BMPR1B: variants seen among roughly 807,000 people sequenced by gnomAD.
BMPR1B encodes the protein bone morphogenetic protein receptor type-1B.
In BMPR1B, 12 loss-of-function variants were observed where a neutral mutation model predicts 59.1. That is an observed-to-expected ratio of 0.20 (90% CI 0.13 to 0.33). BMPR1B has a LOEUF of 0.33. Among genes scored for constraint, BMPR1B ranks in the 10% least tolerant of loss-of-function variants. The probability of loss-of-function intolerance (pLI) is 1.00; values close to 1 mark genes in which losing one functional copy is unlikely to be tolerated. For synonymous variants in BMPR1B, 237 were observed against 207.3 expected (o/e 1.14, Z -1.23); for missense variants, 550 against 610.9 (o/e 0.90, Z 1.05).
intron 1 of BMPR1B, among the ~76,000 whole-genome samples, chr4:94,802,138 C>T (rs767086379): frequency 3.3e-5 from 5 of 152,234 alleles, no homozygotes; most frequent in Middle Eastern, 3.4e-3. Context: ...TTCTTACCAC[C>T]GTTGTGGTGA....
At chr4:95,084,309 A>G (rs1423126607) in intron 3 of BMPR1B, among the ~76,000 whole-genome samples, 1 of 150,568 alleles carries the variant, frequency 6.6e-6, no homozygotes, top group Non-Finnish European at 1.5e-5. Context: ...TTATAAATTT[A>G]TATTTATACG....
At chr4:94,857,243 A>C (rs1725795407) in intron 1 of BMPR1B, among the ~76,000 whole-genome samples, 2 of 152,332 alleles carry the variant, frequency 1.3e-5, no homozygotes, top group South Asian at 4.1e-4. Context: ...AAATTAACAA[A>C]TATTTAAGAA....
intron 2 of BMPR1B, among the ~76,000 whole-genome samples, chr4:94,902,464 A>C (rs1727870147): frequency 6.6e-6 from 1 of 151,972 alleles, no homozygotes; most frequent in African/African-American, 2.4e-5. Flanking sequence ...CTAGAGAGGA[A>C]GAGAGTGAGA....
intron 2 of BMPR1B, among the ~76,000 whole-genome samples, chr4:94,927,359 A>G (rs1728929715): frequency 6.6e-6 from 1 of 152,172 alleles, no homozygotes; most frequent in South Asian, 2.1e-4. Context: ...AAGCAAAAAT[A>G]AACAATATTC....
At position 94,976,376 on chromosome 4, in the gene BMPR1B, A is replaced by G. The variant is rs1731033779; in HGVS notation, c.-112-19664A>G. Reference sequence around the variant, plus strand: ...GAGGTAATATAGACTCCAAGGCTTGAGTGTCAGAGTTATATGTAAGAAACA... The same window carrying G: ...GAGGTAATATAGACTCCAAGGCTTGGGTGTCAGAGTTATATGTAAGAAACA... On this transcript the variant is annotated intron_variant, in intron 2 of 12. Coordinates refer to ENST00000515059, the MANE Select transcript of BMPR1B (RefSeq NM_001203.3). Among the ~76,000 whole-genome samples, 3 of 152,328 alleles carry G rather than the reference A, an allele frequency of 2.0e-5. No individual in the cohort carries two copies. The South Asian group carries it at 6.2e-4, about 32-fold the overall frequency.
At chr4:94,871,888 T>G (rs1726512169) in intron 1 of BMPR1B, among the ~76,000 whole-genome samples, 1 of 152,232 alleles carries the variant, frequency 6.6e-6, no homozygotes, top group South Asian at 2.1e-4. Context: ...TCTAGAATGC[T>G]CGAAAAATTT....
intron 3 of BMPR1B, among the ~76,000 whole-genome samples, chr4:95,096,253 A>G: frequency 6.6e-6 from 1 of 151,784 alleles, no homozygotes. Context: ...TTCCTACTAC[A>G]AGAGATTCCA....
intron 3 of BMPR1B, among the ~76,000 whole-genome samples, chr4:95,079,814 TCA>T (rs1728984590): frequency 6.6e-6 from 1 of 151,506 alleles, no homozygotes; most frequent in African/African-American, 2.4e-5. Context: ...ACAAAAGCTA[TCA>T]AATAGGCAAA....
intron 1 of BMPR1B, among the ~76,000 whole-genome samples, chr4:94,775,410 C>T (rs980932267): frequency 6.6e-6 from 1 of 152,126 alleles, no homozygotes; most frequent in Non-Finnish European, 1.5e-5. Flanking sequence ...GCAAAATGTT[C>T]GTATTGAAAT....
At chr4:95,098,024 GTCAAC>G (rs745641052) in intron 3 of BMPR1B, among the ~76,000 whole-genome samples, 108 of 152,148 alleles carry the variant, frequency 7.1e-4, no homozygotes, top group Non-Finnish European at 1.3e-3. Flanking sequence ...ATTTATATGA[GTCAAC>G]TAAATGTATC....
intron 2 of BMPR1B, among the ~76,000 whole-genome samples, chr4:94,951,257 C>G (rs1055651359): frequency 2.0e-5 from 3 of 152,106 alleles, no homozygotes; most frequent in African/African-American, 4.8e-5. Flanking sequence ...ATTTGAATAC[C>G]CTTTATTTCT....
intron 2 of BMPR1B, 94 bp downstream of exon 2, chr4:94,875,994 CAGAA>C (rs1726715190): frequency 6.6e-6 from 1 of 152,572 alleles, no homozygotes; most frequent in Non-Finnish European, 1.5e-5. Flanking sequence ...CTGAAGTTAA[CAGAA>C]AGATAATACA....
In BMPR1B at chr4:95,131,524, A is replaced by AAC. The variant is rs750238519; in HGVS notation, c.1076+12_1076+13insAC. The AAC allele has an allele frequency of 1.2e-6, 2 of 1,613,690 alleles. No individual in the cohort carries two copies. The highest frequency in any genetic ancestry group is 1.7e-6 in the Non-Finnish European group (2 of 1,179,646). Reference sequence around the variant, plus strand: ...GTTAAATTTATTAGGTTAGTATCAAAGTGAACAAATACATGTTTTATGACT... The same window carrying AAC: ...GTTAAATTTATTAGGTTAGTATCAAAACGTGAACAAATACATGTTTTATGACT... On this transcript the variant is annotated intron_variant, in intron 10 of 12. Transcript: ENST00000515059.
At chr4:95,137,158 T>C (rs1733855488) in intron 10 of BMPR1B, among the ~76,000 whole-genome samples, 2 of 152,218 alleles carry the variant, frequency 1.3e-5, no homozygotes, top group Non-Finnish European at 2.9e-5. Flanking sequence ...TCTGCCTTCA[T>C]TTCGTTATGT....
At chr4:94,880,038 A>G (rs1726897626) in intron 2 of BMPR1B, among the ~76,000 whole-genome samples, 1 of 151,096 alleles carries the variant, frequency 6.6e-6, no homozygotes, top group South Asian at 2.1e-4. Flanking sequence ...ATCTTATTAT[A>G]TAAAATGACA....
intron 2 of BMPR1B, among the ~76,000 whole-genome samples, chr4:94,945,078 A>G (rs1416215665): frequency 6.6e-6 from 1 of 152,232 alleles, no homozygotes; most frequent in Non-Finnish European, 1.5e-5. Flanking sequence ...GGAACATTTC[A>G]TAACACAACA....
intron 1 of BMPR1B, among the ~76,000 whole-genome samples, chr4:94,845,948 C>A (rs1560512814): frequency 6.6e-6 from 1 of 152,068 alleles, no homozygotes; most frequent in Admixed American, 6.6e-5. Context: ...ATATTTGTTA[C>A]CTCATCAAGT....
At chr4:94,898,986 A>G (rs1191074240) in intron 2 of BMPR1B, among the ~76,000 whole-genome samples, 1 of 152,014 alleles carries the variant, frequency 6.6e-6, no homozygotes, top group Non-Finnish European at 1.5e-5. Flanking sequence ...AAAGTCCAAA[A>G]TCGTTGTCCC....
intron 2 of BMPR1B, among the ~76,000 whole-genome samples, chr4:94,937,446 T>C (rs1341350409): frequency 6.6e-6 from 1 of 152,168 alleles, no homozygotes; most frequent in Non-Finnish European, 1.5e-5. Context: ...TTTCTCTTAA[T>C]CCTCATCCCT....
Sources: allele counts gnomAD v4.1 joint callset (sites outside exome capture counted in the v4.1 genomes callset), GRCh38; gene constraint gnomAD v4.1.1; transcripts MANE v1.5; gene names NCBI Gene and HGNC (gene_info 2026-07-23, HGNC 2026-07-21).